The following CAST variants were observed in gnomAD, a reference collection of about 807,000 sequenced individuals.
CAST encodes the protein MIR583 host.
CAST carries 76 observed loss-of-function variants against 119.6 expected under a neutral mutation model. That is an observed-to-expected ratio of 0.64 (90% CI 0.53 to 0.77). The LOEUF (loss-of-function observed/expected upper bound fraction) is 0.77, where lower values mean the gene tolerates loss of function less well. Among genes scored for constraint, CAST ranks in the 30% least tolerant of loss-of-function variants. The pLI, the probability that CAST is intolerant of heterozygous loss-of-function variation, is 0.00. For missense variants in CAST, 953 were observed against 946.5 expected (o/e 1.01, Z -0.09); for synonymous variants, 319 against 331.6 (o/e 0.96, Z 0.41).
At chr5:96,762,220 G>T in intron 24 of CAST, 54 bp from the exon 25 acceptor site, 1 of 1,150,600 alleles carries the variant, frequency 8.7e-7, no homozygotes, top group Non-Finnish European at 1.3e-6. Context: ...TGATGGCATT[G>T]TGCTCATAAT....
the CAST span, among the ~76,000 whole-genome samples, chr5:96,363,249 A>T: frequency 1.3e-5 from 2 of 148,998 alleles, no homozygotes; most frequent in East Asian, 3.9e-4. Flanking sequence ...CTTGTAGTAT[A>T]GTTTGAAGTC....
chr5:96,697,247 C>G lies in CAST; in HGVS notation c.210+1340C>G, dbSNP rs116091058. ...TAGTATGTCCAAGATTATCTAAAAC[C>G]TCAACCTATGTTTCAGGAGTATCTA... On this transcript the variant is annotated intron_variant, in intron 3 of 31. Transcript: ENST00000675179. Among the ~76,000 whole-genome samples the G allele has an allele frequency of 2.5e-3, 384 of 152,204 alleles. 1 individual carries two copies. The highest frequency in any genetic ancestry group is 4.2e-3 in the Non-Finnish European group (284 of 67,998).
At chr5:96,259,296 A>G in the CAST span, among the ~76,000 whole-genome samples, 1 of 152,216 alleles carries the variant, frequency 6.6e-6, no homozygotes, top group Non-Finnish European at 1.5e-5. Flanking sequence ...TGGCAAAAGA[A>G]GACAGCAAAG....
intron 4 of CAST, among the ~76,000 whole-genome samples, chr5:96,726,327 T>C (rs1348973623): frequency 6.6e-6 from 1 of 152,210 alleles, no homozygotes. Context: ...TGTAGAAGCA[T>C]TTCTAGAACT....
chr5:96,376,991 T>A, the CAST span, among the ~76,000 whole-genome samples: 3 of 152,076 alleles, frequency 2.0e-5, no homozygotes, highest in Non-Finnish European at 2.9e-5. Context: ...GTTTGTGTAC[T>A]ATTTTTTAAG....
intron 9 of CAST, among the ~76,000 whole-genome samples, chr5:96,732,970 AT>A (rs1412406478): frequency 2.0e-5 from 3 of 152,214 alleles, no homozygotes; most frequent in African/African-American, 7.2e-5. Context: ...TGGGACAGAT[AT>A]CCTGCTACAG....
the CAST span, among the ~76,000 whole-genome samples, chr5:96,159,053 A>G: frequency 5.6e-4 from 85 of 152,322 alleles, no homozygotes; most frequent in African/African-American, 1.9e-3. Context: ...GAAGTCTAGG[A>G]GCCCCCTGGA....
At chr5:96,516,938 T>C in the CAST span, among the ~76,000 whole-genome samples, 3 of 152,152 alleles carry the variant, frequency 2.0e-5, no homozygotes, top group Non-Finnish European at 4.4e-5. Flanking sequence ...ATGACGAAGA[T>C]GAGGATGGAG....
the CAST span, among the ~76,000 whole-genome samples, chr5:96,472,373 C>A: frequency 1.3e-5 from 2 of 152,148 alleles, no homozygotes; most frequent in African/African-American, 4.8e-5. Context: ...AGTGTCAGCT[C>A]TTTGGGGGGC....
the CAST span, among the ~76,000 whole-genome samples, chr5:96,179,226 A>G: frequency 6.6e-6 from 1 of 152,254 alleles, no homozygotes; most frequent in Non-Finnish European, 1.5e-5. Context: ...AAGGCTCTCC[A>G]TTGCGTTCAG....
chr5:96,686,971 T>A (rs1752155522), intron 2 of CAST, among the ~76,000 whole-genome samples: 2 of 152,198 alleles, frequency 1.3e-5, no homozygotes, highest in Admixed American at 1.3e-4. Context: ...ATGTACATCA[T>A]TCTCAAATAT....
intron 3 of CAST, among the ~76,000 whole-genome samples, chr5:96,718,266 G>GTAGAGT (rs1241170109): frequency 6.6e-6 from 1 of 152,204 alleles, no homozygotes; most frequent in African/African-American, 2.4e-5. Context: ...TGGTCATATA[G>GTAGAGT]TAGAGTTGCT....
the CAST span, among the ~76,000 whole-genome samples, chr5:96,149,982 C>T: frequency 6.6e-6 from 1 of 152,000 alleles, no homozygotes; most frequent in African/African-American, 2.4e-5. Flanking sequence ...AAAATGGTGA[C>T]TGTGTCATCA....
the CAST span, among the ~76,000 whole-genome samples, chr5:96,339,596 C>T: frequency 6.6e-6 from 1 of 152,190 alleles, no homozygotes; most frequent in African/African-American, 2.4e-5. Context: ...TATATCTGGA[C>T]AAAGCCCCAG....
intron 1 of CAST, among the ~76,000 whole-genome samples, chr5:96,583,763 T>C (rs1006427532): frequency 2.6e-5 from 4 of 152,214 alleles, no homozygotes; most frequent in African/African-American, 9.7e-5. Flanking sequence ...TGTGCATCTA[T>C]TTATGTCATA....
At chr5:95,979,837 G>A in the CAST span, among the ~76,000 whole-genome samples, 1 of 152,190 alleles carries the variant, frequency 6.6e-6, no homozygotes, top group Non-Finnish European at 1.5e-5. Flanking sequence ...TAGAAGTGTG[G>A]CAAGGCATGG....
chr5:95,963,362 G>A, the CAST span, among the ~76,000 whole-genome samples: 4 of 152,162 alleles, frequency 2.6e-5, no homozygotes, highest in Admixed American at 2.6e-4. Context: ...GGTGTATAAT[G>A]TGAATTACAG....
chr5:96,591,252 AC>A (rs1746957416), intron 1 of CAST, among the ~76,000 whole-genome samples: 1 of 152,248 alleles, frequency 6.6e-6, no homozygotes, highest in Admixed American at 6.5e-5. Flanking sequence ...TTATTCAAGC[AC>A]AAAGTTTGAG....
the CAST span, chr5:96,398,917 C>T: frequency 1.3e-4 from 203 of 1,613,432 alleles, no homozygotes; most frequent in Non-Finnish European, 1.6e-4. Flanking sequence ...GTCTCCTCTT[C>T]GGGAATATTC....
Sources: allele counts gnomAD v4.1 joint callset (sites outside exome capture counted in the v4.1 genomes callset), GRCh38; gene constraint gnomAD v4.1.1; transcripts MANE v1.5; gene names NCBI Gene and HGNC (gene_info 2026-07-23, HGNC 2026-07-21).